RABGAP1: variants seen among roughly 807,000 people sequenced by gnomAD.
The protein encoded by RABGAP1 is rab GTPase-activating protein 1.
A neutral mutation model predicts 137.6 loss-of-function variants in RABGAP1; 23 were observed. The observed-to-expected ratio is 0.17, with a 90% CI of 0.12 to 0.24. The LOEUF is 0.24. RABGAP1 is among the 10% of genes least tolerant of loss of function. The pLI, the probability that RABGAP1 is intolerant of heterozygous loss-of-function variation, is 1.00. For synonymous variants in RABGAP1, 451 were observed against 450.7 expected, an observed-to-expected ratio of 1.00 and a Z score of -0.01; for missense variants, 906 against 1,275.8, an observed-to-expected ratio of 0.71 and a Z score of 4.42.
intron 12 of RABGAP1, among the ~76,000 whole-genome samples, chr9:123,019,744 G>A (rs946174746): frequency 3.3e-5 from 5 of 152,156 alleles, no homozygotes; most frequent in African/African-American, 1.2e-4. Flanking sequence ...AGGCTGGAGT[G>A]CGGTGGTGCA....
intron 16 of RABGAP1, among the ~76,000 whole-genome samples, chr9:123,074,040 C>G (rs2034439818): frequency 6.6e-6 from 1 of 152,158 alleles, no homozygotes; most frequent in Admixed American, 6.5e-5. Context: ...GAGAGAAAAA[C>G]AGGCTTTCCA....
intron 1 of RABGAP1, among the ~76,000 whole-genome samples, chr9:122,956,222 T>C (rs1345084873): frequency 5.3e-5 from 8 of 152,222 alleles, no homozygotes; most frequent in Non-Finnish European, 1.2e-4. Flanking sequence ...TTCCCAGCTC[T>C]AGAGTTTATG....
At chr9:123,077,009 C>T (rs948241918) in intron 19 of RABGAP1, 25 of 61,258 alleles carry the variant, frequency 4.1e-4, no homozygotes, top group Non-Finnish European at 6.4e-4. Context: ...TCGTTGTCCC[C>T]CCAACCGCCA....
Position 123,093,249 on chromosome 9 carries a change from A to G in RABGAP1, c.2628+2864A>G, listed in dbSNP as rs540886233. Reference sequence around the variant, plus strand: ...TCACTTTTGTTATTCATCACCTGTCACTTTTGCTGTTCTTCACACAACAGC... The same window carrying G: ...TCACTTTTGTTATTCATCACCTGTCGCTTTTGCTGTTCTTCACACAACAGC... On this transcript the variant is annotated intron_variant, in intron 21 of 25. Transcript: ENST00000373647. Among the ~76,000 whole-genome samples, 6 of 152,232 alleles carry G rather than the reference A, an allele frequency of 3.9e-5. No individual in the cohort carries two copies. The South Asian group carries it at 1.2e-3, about 32-fold the overall frequency.
At position 122,990,265 on chromosome 9, in the gene RABGAP1, T is replaced by A. The variant is rs544341312; in HGVS notation, c.923+52T>A. The A allele has an allele frequency of 2.8e-5, 40 of 1,454,058 alleles. No individual in the cohort carries two copies. The South Asian group carries it at 5.0e-4, about 18-fold the overall frequency. 90.1% of individuals were successfully genotyped at this position (1,454,058 alleles called of 1,614,324 possible). A position where few individuals can be genotyped will look rare whatever the true frequency, so the allele number is the denominator to read the frequency against. ...TTAACATGCTGTGGTTCAGGGGAAA[T>A]TCTAGGTCAGATTATAACTTTCATA... On this transcript the variant is annotated intron_variant, in intron 6 of 25. Transcript: ENST00000373647.
At chr9:123,016,160 T>C (rs1446172855) in intron 12 of RABGAP1, among the ~76,000 whole-genome samples, 2 of 152,188 alleles carry the variant, frequency 1.3e-5, no homozygotes, top group African/African-American at 4.8e-5. Context: ...GCTCAAGAGA[T>C]GGTTTGACAG....
intron 2 of RABGAP1, among the ~76,000 whole-genome samples, chr9:122,976,969 G>A (rs1375752269): frequency 6.6e-6 from 1 of 152,198 alleles, no homozygotes; most frequent in South Asian, 2.1e-4. Flanking sequence ...GTGCTTGAAA[G>A]TTTATGGTGG....
intron 15 of RABGAP1, chr9:123,071,377 A>G (rs2034351094): frequency 6.6e-6 from 1 of 152,222 alleles, no homozygotes; most frequent in Non-Finnish European, 1.5e-5. Flanking sequence ...AAAATGTCCC[A>G]CAGTCTTGAT....
intron 10 of RABGAP1, among the ~76,000 whole-genome samples, chr9:123,008,544 CAAA>C (rs34127466): frequency 3.8e-5 from 2 of 53,112 alleles, no homozygotes. Flanking sequence ...GACTCCATCT[CAAA>C]AAAAAAAAAA....
At chr9:123,001,076 C>A (rs755793081) in intron 10 of RABGAP1, among the ~76,000 whole-genome samples, 5 of 151,942 alleles carry the variant, frequency 3.3e-5, no homozygotes, top group Middle Eastern at 3.4e-3. Context: ...TCTCGAACTC[C>A]TGACCTCGTG....
the RABGAP1 span, among the ~76,000 whole-genome samples, chr9:122,934,791 C>CT: frequency 6.6e-6 from 1 of 152,164 alleles, no homozygotes; most frequent in Non-Finnish European, 1.5e-5. Flanking sequence ...AAGCGATTCT[C>CT]TTTCTCAGCC....
At chr9:123,011,346 C>T (rs990748787) in intron 11 of RABGAP1, among the ~76,000 whole-genome samples, 3 of 152,122 alleles carry the variant, frequency 2.0e-5, no homozygotes, top group African/African-American at 7.2e-5. Context: ...ATCTAGTAGT[C>T]ATCAGTGGAG....
intron 1 of RABGAP1, among the ~76,000 whole-genome samples, chr9:122,943,256 A>C (rs6478584): frequency 0.11 from 16,417 of 151,566 alleles, 2,877 homozygotes; most frequent in African/African-American, 0.37. Context: ...TTTACTAGAG[A>C]CGGGGTTTCA....
chr9:122,957,034 C>A lies in RABGAP1; in HGVS notation c.-26C>A. On this transcript the variant is annotated 5_prime_UTR_variant, in exon 2 of 26. Transcript: ENST00000373647. ...AGGCATTAAAAAATATTTAATCATTCATGTGTTGAGACTCATTCTTGAGTT... is the reference window on the plus strand; with the variant it reads ...AGGCATTAAAAAATATTTAATCATTAATGTGTTGAGACTCATTCTTGAGTT... 6.9e-7 allele frequency: 1 copy of A among 1,444,082 alleles called. No individual in the cohort carries two copies. The highest frequency in any genetic ancestry group is 1.7e-5 in the South Asian group (1 of 60,418). 89.5% of individuals were successfully genotyped at this position (1,444,082 alleles called of 1,614,324 possible).
intron 1 of RABGAP1, among the ~76,000 whole-genome samples, chr9:122,949,445 C>T (rs1254930700): frequency 6.6e-6 from 1 of 151,942 alleles, no homozygotes; most frequent in Non-Finnish European, 1.5e-5. Flanking sequence ...ACCTGGGAGG[C>T]GGAGGTTACA....
intron 24 of RABGAP1, among the ~76,000 whole-genome samples, chr9:123,100,562 C>T (rs1033117603): frequency 1.3e-5 from 2 of 152,092 alleles, no homozygotes; most frequent in African/African-American, 4.8e-5. Flanking sequence ...GCTGGGATTA[C>T]AGGCTTGTGC....
chr9:123,101,120 A>G (rs1326011946), intron 24 of RABGAP1, among the ~76,000 whole-genome samples: 2 of 152,210 alleles, frequency 1.3e-5, no homozygotes, highest in Non-Finnish European at 2.9e-5. Context: ...TTCTATTTCA[A>G]CCAGCATGCA....
chr9:122,933,528 A>C, the RABGAP1 span, among the ~76,000 whole-genome samples: 1 of 151,478 alleles, frequency 6.6e-6, no homozygotes, highest in South Asian at 2.1e-4. Flanking sequence ...ATCTCAGCTC[A>C]CTGCCACCTT....
At chr9:123,041,317 A>T (rs1346617512) in intron 13 of RABGAP1, among the ~76,000 whole-genome samples, 3 of 152,058 alleles carry the variant, frequency 2.0e-5, no homozygotes, top group Non-Finnish European at 4.4e-5. Context: ...TCTTGCCTTA[A>T]TTTTTTCTTA....
Sources: gnomAD v4.1 joint callset for allele counts (sites outside exome capture counted in the v4.1 genomes callset) on GRCh38, gnomAD v4.1.1 for gene constraint, MANE v1.5 for transcripts, NCBI Gene and HGNC (gene_info 2026-07-23, HGNC 2026-07-21) for gene names.